The following NBEA variants were observed in gnomAD, a reference collection of about 807,000 sequenced individuals.
NBEA encodes the protein lysosomal-trafficking regulator 2.
In NBEA, 44 loss-of-function variants were observed where a neutral mutation model predicts 343.4. The observed-to-expected ratio is 0.13, with a 90% CI of 0.10 to 0.16. The LOEUF (loss-of-function observed/expected upper bound fraction) is 0.16. NBEA is among the 10% of genes least tolerant of loss of function. The probability of loss-of-function intolerance (pLI) is 1.00; values close to 1 mark genes in which losing one functional copy is unlikely to be tolerated. For missense variants in NBEA, 2,555 were observed against 3,631.3 expected, an observed-to-expected ratio of 0.70 and a Z score of 7.62; for synonymous variants, 1,175 against 1,238.7, an observed-to-expected ratio of 0.95 and a Z score of 1.08.
intron 38 of NBEA, among the ~76,000 whole-genome samples, chr13:35,399,390 G>A (rs2042894576): frequency 6.6e-6 from 1 of 152,110 alleles, no homozygotes; most frequent in Non-Finnish European, 1.5e-5. Flanking sequence ...CAGTCATGGT[G>A]GAAGGGGAAG....
intron 37 of NBEA, among the ~76,000 whole-genome samples, chr13:35,350,733 T>C (rs1038707026): frequency 1.5e-5 from 1 of 64,878 alleles, no homozygotes; most frequent in East Asian, 3.6e-4. Flanking sequence ...TATTGATGTG[T>C]GTGTGTGTGT....
In NBEA at chr13:35,462,419, C is replaced by T. The variant is rs1009493925; in HGVS notation, c.6449-9981C>T. On this transcript the variant is annotated intron_variant, in intron 40 of 58. Transcript: ENST00000379939. ...ACATTTAGAGAGTTGTTGCAGATGG[C>T]GGGAAATGTATACTAAAACATTAAC... 2.3e-4 allele frequency among the ~76,000 whole-genome samples: 35 copies of T among 152,104 alleles called. 1 individual carries two copies. Among genetic ancestry groups the T allele is most frequent in the African/African-American group, 9.7e-5 (4 of 41,420 alleles).
chr13:35,162,873 G>A (rs1186966894), intron 23 of NBEA, among the ~76,000 whole-genome samples: 2 of 152,040 alleles, frequency 1.3e-5, no homozygotes, highest in Non-Finnish European at 2.9e-5. Flanking sequence ...TGTGGAAGAA[G>A]TCAATAAAGT....
intron 48 of NBEA, among the ~76,000 whole-genome samples, chr13:35,620,074 A>C (rs1348140682): frequency 6.6e-6 from 1 of 152,084 alleles, no homozygotes; most frequent in African/African-American, 2.4e-5. Flanking sequence ...ACAAATAAAC[A>C]AACAGTCCCA....
At chr13:35,325,340 G>A (rs182152086) in intron 36 of NBEA, among the ~76,000 whole-genome samples, 327 of 151,820 alleles carry the variant, frequency 2.2e-3, no homozygotes, top group Non-Finnish European at 3.3e-3. Flanking sequence ...GTACATAATT[G>A]TATGTATACA....
intron 11 of NBEA, among the ~76,000 whole-genome samples, chr13:35,106,690 T>C (rs572637081): frequency 1.3e-5 from 2 of 152,006 alleles, no homozygotes; most frequent in East Asian, 3.9e-4. Flanking sequence ...AGAAAAATAT[T>C]TTCCAAAGAA....
intron 6 of NBEA, among the ~76,000 whole-genome samples, chr13:35,054,765 T>C (rs2063190915): frequency 6.7e-6 from 1 of 150,258 alleles, no homozygotes; most frequent in Non-Finnish European, 1.5e-5. Context: ...TGCCTCAGCC[T>C]CCCTGGTAGC....
chr13:35,473,279 CTTCTA>C (rs2075733801), intron 41 of NBEA, among the ~76,000 whole-genome samples: 1 of 152,118 alleles, frequency 6.6e-6, no homozygotes, highest in Non-Finnish European at 1.5e-5. Context: ...AATTTGCAAA[CTTCTA>C]TTCTGGGGTT....
At position 35,562,011 on chromosome 13, in the gene NBEA, C is replaced by T. The variant is rs185613092; in HGVS notation, c.6923-4894C>T. On this transcript the variant is annotated intron_variant, in intron 44 of 58. Coordinates refer to ENST00000379939, the MANE Select transcript of NBEA (RefSeq NM_001385012.1). ...CTCAAAAGTCTAACCGTAAATATCA[C>T]AGTTGACATTTGGGTGATTTTTCTG... is the stretch of plus-strand genomic sequence containing the variant. Among the ~76,000 whole-genome samples the T allele has an allele frequency of 1.8e-4, 28 of 152,046 alleles. 1 individual carries two copies. In the East Asian group the frequency reaches 3.9e-3, roughly 21 times the overall value.
intron 48 of NBEA, among the ~76,000 whole-genome samples, chr13:35,627,551 C>T (rs922281679): frequency 6.6e-6 from 1 of 152,018 alleles, no homozygotes; most frequent in African/African-American, 2.4e-5. Context: ...CAGTGATTCC[C>T]AAACTGTGTA....
At chr13:35,474,481 T>A (rs192175525) in intron 41 of NBEA, 4 of 152,786 alleles carry the variant, frequency 2.6e-5, no homozygotes, top group African/African-American at 9.6e-5. Context: ...CAGATAAAAG[T>A]ACCAGGAAGA....
intron 1 of NBEA, among the ~76,000 whole-genome samples, chr13:34,998,654 C>T (rs574707673): frequency 9.2e-5 from 14 of 152,248 alleles, no homozygotes; most frequent in East Asian, 7.7e-4. Context: ...CTGTTCTGCC[C>T]AGCTCACCGG....
chr13:35,541,471 T>C (rs2078821118), intron 41 of NBEA, among the ~76,000 whole-genome samples: 1 of 152,136 alleles, frequency 6.6e-6, no homozygotes, highest in African/African-American at 2.4e-5. Context: ...AATTATGGGC[T>C]GTTTATAAAA....
chr13:35,015,361 GGTGAAT>G, intron 1 of NBEA, among the ~76,000 whole-genome samples: 1 of 152,054 alleles, frequency 6.6e-6, no homozygotes, highest in Non-Finnish European at 1.5e-5. Context: ...GTTTTAGGAA[GGTGAAT>G]TTGGCAGTGG....
chr13:35,203,620 A>G (rs990650561), intron 31 of NBEA, among the ~76,000 whole-genome samples: 1 of 152,164 alleles, frequency 6.6e-6, no homozygotes, highest in Non-Finnish European at 1.5e-5. Context: ...ACACATTGCA[A>G]TGCTCAATAA....
At chr13:35,147,431 C>T (rs553686872) in intron 18 of NBEA, among the ~76,000 whole-genome samples, 13 of 152,316 alleles carry the variant, frequency 8.5e-5, no homozygotes, top group Middle Eastern at 3.4e-3. Flanking sequence ...CATTGGCTAC[C>T]TCCCTAAGTG....
At chr13:35,265,146 T>C (rs2033566497) in intron 34 of NBEA, among the ~76,000 whole-genome samples, 1 of 151,852 alleles carries the variant, frequency 6.6e-6, no homozygotes, top group Non-Finnish European at 1.5e-5. Flanking sequence ...ATTGCAATGT[T>C]TCCTAAGTAA....
At chr13:35,213,233 C>A (rs2073884570) in intron 33 of NBEA, among the ~76,000 whole-genome samples, 1 of 151,968 alleles carries the variant, frequency 6.6e-6, no homozygotes, top group Non-Finnish European at 1.5e-5. Context: ...ACTTCTTTTC[C>A]CTGTGTTCTG....
At chr13:35,630,868 G>A (rs1010465256) in intron 49 of NBEA, among the ~76,000 whole-genome samples, 4 of 152,068 alleles carry the variant, frequency 2.6e-5, no homozygotes, top group African/African-American at 9.7e-5. Flanking sequence ...ACCACTAGGG[G>A]GCCATTTAGT....
Sources: gnomAD v4.1 joint callset for allele counts (sites outside exome capture counted in the v4.1 genomes callset) on GRCh38, gnomAD v4.1.1 for gene constraint, MANE v1.5 for transcripts, NCBI Gene and HGNC (gene_info 2026-07-23, HGNC 2026-07-21) for gene names.